MED13L: variants seen among roughly 807,000 people sequenced by gnomAD.
MED13L encodes the protein mediator of RNA polymerase II transcription subunit 13-like.
MED13L carries 7 observed loss-of-function variants against 220.9 expected under a neutral mutation model. The ratio of observed to expected loss-of-function variants is 0.03; its 90% CI spans 0.02 to 0.06. The LOEUF is 0.06. Ranked by LOEUF, MED13L falls within the 10% of genes least tolerant of loss-of-function variation. The probability of loss-of-function intolerance (pLI) is 1.00; values close to 1 mark genes in which losing one functional copy is unlikely to be tolerated. For synonymous variants in MED13L, 1,011 were observed against 1,015.2 expected (o/e 1.00, Z 0.08); for missense variants, 1,965 against 2,760.5 (o/e 0.71, Z 6.46).
At chr12:116,070,426 T>G (rs1180182703) in intron 4 of MED13L, among the ~76,000 whole-genome samples, 2 of 152,194 alleles carry the variant, frequency 1.3e-5, no homozygotes, top group East Asian at 1.9e-4. Flanking sequence ...TTTTTAATAT[T>G]AACTCATTTC....
chr12:116,199,215 T>C (rs1881845941), intron 2 of MED13L, among the ~76,000 whole-genome samples: 1 of 152,230 alleles, frequency 6.6e-6, no homozygotes, highest in South Asian at 2.1e-4. Flanking sequence ...TATCAGTTTT[T>C]GCATGAGAGA....
At chr12:116,273,442 C>T (rs546035636) in intron 1 of MED13L, among the ~76,000 whole-genome samples, 3 of 152,036 alleles carry the variant, frequency 2.0e-5, no homozygotes, top group African/African-American at 7.2e-5. Flanking sequence ...AGAAATCATT[C>T]CCTTTTCCTA....
At chr12:116,159,831 T>C (rs1878724889) in intron 2 of MED13L, among the ~76,000 whole-genome samples, 1 of 152,216 alleles carries the variant, frequency 6.6e-6, no homozygotes, top group Non-Finnish European at 1.5e-5. Flanking sequence ...AACTTTACAG[T>C]AACTGATTCT....
intron 4 of MED13L, among the ~76,000 whole-genome samples, chr12:116,061,401 C>T (rs1453412279): frequency 6.6e-6 from 1 of 152,018 alleles, no homozygotes; most frequent in Non-Finnish European, 1.5e-5. Flanking sequence ...GAGGGTTATA[C>T]AATTAGGCAG....
chr12:116,041,516 G>C (rs915233716), intron 4 of MED13L, among the ~76,000 whole-genome samples: 1 of 152,156 alleles, frequency 6.6e-6, no homozygotes, highest in African/African-American at 2.4e-5. Flanking sequence ...GTTTAATTCT[G>C]AATACCATAG....
intron 2 of MED13L, among the ~76,000 whole-genome samples, chr12:116,187,778 C>A (rs1475698161): frequency 1.3e-5 from 2 of 151,766 alleles, no homozygotes; most frequent in Non-Finnish European, 2.9e-5. Flanking sequence ...CTCCCTCTGA[C>A]TTTAACAGCC....
intron 2 of MED13L, among the ~76,000 whole-genome samples, chr12:116,120,481 A>T (rs866737182): frequency 5.3e-3 from 606 of 113,558 alleles, no homozygotes; most frequent in South Asian, 0.017. Context: ...TCTCTCTCAC[A>T]CACACACACA....
At position 116,005,964 on chromosome 12, in the gene MED13L, C is replaced by T; in HGVS notation, c.2374G>A (p.Ala792Thr). 1 of 1,613,984 alleles carries T rather than the reference C, an allele frequency of 6.2e-7. No individual in the cohort carries two copies. Among genetic ancestry groups the T allele is most frequent in the South Asian group, 1.1e-5 (1 of 91,090 alleles). The change falls in exon 13 of 31, where the codon GCT becomes ACT. Residue 792 changes from alanine to threonine, a missense_variant. Physicochemically the swap from Ala to Thr is moderately conservative, Grantham distance 58. Around this residue, in one of 10 missense-constraint regions of MED13L, gnomAD observed 818 missense variants for 1,041.2 expected, o/e 0.79. Coordinates refer to ENST00000281928, the MANE Select transcript of MED13L (RefSeq NM_015335.5). ...ACCTGTGTAAGGCTACTGGAGCCAG[C>T]TCTGCCAGCAGCATTATCCTGCCGG... ...DVRQDNAAGR[A>T]GSSSLTQVTD...
chr12:116,093,219 A>T (rs1232588521), intron 4 of MED13L, among the ~76,000 whole-genome samples: 1 of 152,148 alleles, frequency 6.6e-6, no homozygotes, highest in Non-Finnish European at 1.5e-5. Context: ...GACCTTAGAA[A>T]ACAGAAATTT....
At chr12:116,212,525 G>C (rs1208874262) in intron 2 of MED13L, among the ~76,000 whole-genome samples, 2 of 152,042 alleles carry the variant, frequency 1.3e-5, no homozygotes, top group African/African-American at 4.8e-5. Context: ...TACTAGGAAG[G>C]TTTTTTTAAG....
chr12:116,221,808 T>A (rs907156107), intron 2 of MED13L, among the ~76,000 whole-genome samples: 17 of 152,294 alleles, frequency 1.1e-4, no homozygotes, highest in African/African-American at 4.1e-4. Context: ...TTAAGAGACA[T>A]CAAACTAATT....
chr12:116,066,828 T>A (rs1593004863), intron 4 of MED13L, among the ~76,000 whole-genome samples: 1 of 151,604 alleles, frequency 6.6e-6, no homozygotes, highest in South Asian at 2.1e-4. Context: ...GCGAAAGCGG[T>A]CACATGCAGC....
At chr12:116,107,183 C>T (rs966867724) in intron 3 of MED13L, among the ~76,000 whole-genome samples, 1 of 152,174 alleles carries the variant, frequency 6.6e-6, no homozygotes, top group African/African-American at 2.4e-5. Context: ...CTTAAACAAA[C>T]ACGTACCCCC....
At chr12:116,273,174 C>G (rs1873528751) in intron 1 of MED13L, among the ~76,000 whole-genome samples, 1 of 152,044 alleles carries the variant, frequency 6.6e-6, no homozygotes, top group African/African-American at 2.4e-5. Flanking sequence ...CGTGGTGGCA[C>G]ATGCCTGTAA....
rs1873926860 is a variant in MED13L, at chr12:116,277,069, G to C, written c.63C>G (p.Leu21=). 2 of 1,583,160 alleles carry C rather than the reference G, an allele frequency of 1.3e-6. No homozygotes were observed. Among genetic ancestry groups the C allele is most frequent in the Non-Finnish European group, 1.7e-6 (2 of 1,163,846 alleles). The change falls in exon 1 of 31, where the codon CTC becomes CTG. Residue 21 remains leucine, a synonymous_variant. Transcript: ENST00000281928. The stretch of plus-strand genomic sequence containing the variant: ...CAGCCCGGCTACTCACCAGCGAAAA[G>C]AGGTTGGAGTGACAATCCTCCAGGC... ...GASLEDCHSN[L]FSLAELTGIK...
chr12:116,208,193 G>A (rs1882472929), intron 2 of MED13L, among the ~76,000 whole-genome samples: 1 of 152,172 alleles, frequency 6.6e-6, no homozygotes, highest in South Asian at 2.1e-4. Context: ...TCAGGAGTTT[G>A]AGACCAGCCT....
chr12:116,041,229 C>T (rs1251891595), intron 4 of MED13L, among the ~76,000 whole-genome samples: 1 of 152,128 alleles, frequency 6.6e-6, no homozygotes, highest in Non-Finnish European at 1.5e-5. Context: ...AGAGTTACTT[C>T]TCAGGAGATC....
At chr12:116,258,218 A>T (rs1391135280) in intron 1 of MED13L, among the ~76,000 whole-genome samples, 2 of 152,248 alleles carry the variant, frequency 1.3e-5, no homozygotes, top group Non-Finnish European at 2.9e-5. Flanking sequence ...TCAGGCTTTG[A>T]ATCAAGAGAT....
At chr12:116,036,936 T>C (rs1006354036) in intron 4 of MED13L, among the ~76,000 whole-genome samples, 1 of 152,212 alleles carries the variant, frequency 6.6e-6, no homozygotes, top group Non-Finnish European at 1.5e-5. Context: ...TTTGTGAGGC[T>C]CTGAGGTACT....
Sources: gnomAD v4.1 joint callset for allele counts (sites outside exome capture counted in the v4.1 genomes callset) on GRCh38, gnomAD v4.1.1 for gene constraint, gnomAD v4.1.1 regional missense constraint, MANE v1.5 for transcripts, NCBI Gene and HGNC (gene_info 2026-07-23, HGNC 2026-07-21) for gene names.